The following DCAF6 variants were observed in gnomAD, a reference collection of about 807,000 sequenced individuals.
The protein encoded by DCAF6 is DDB1 and CUL4 associated factor 6.
In DCAF6, 54 loss-of-function variants were observed where a neutral mutation model predicts 125.1. The observed-to-expected ratio is 0.43, with a 90% CI of 0.35 to 0.54. The LOEUF is 0.54. Among genes scored for constraint, DCAF6 ranks in the 20% least tolerant of loss-of-function variants. The pLI is 0.01. For synonymous variants in DCAF6, 371 were observed against 390.4 expected (o/e 0.95, Z 0.58); for missense variants, 934 against 1,161.7 (o/e 0.80, Z 2.85).
At chr1:167,877,074 G>A in the DCAF6 span, among the ~76,000 whole-genome samples, 13 of 151,910 alleles carry the variant, frequency 8.6e-5, no homozygotes, top group Admixed American at 6.6e-4. Context: ...AAAAATAAAT[G>A]TTTATTTTTG....
At chr1:168,034,450 A>G (rs78404359) in intron 12 of DCAF6, among the ~76,000 whole-genome samples, 4,564 of 152,236 alleles carry the variant, frequency 0.03, 197 homozygotes, top group African/African-American at 0.1. Flanking sequence ...GTTTGAGACC[A>G]CAGTGAGCTA....
the DCAF6 span, among the ~76,000 whole-genome samples, chr1:167,913,764 G>A: frequency 1.2e-4 from 18 of 152,204 alleles, no homozygotes; most frequent in South Asian, 3.7e-3. Flanking sequence ...TAGAAAGACA[G>A]AGCATCCAGG....
At chr1:167,866,997 A>T in the DCAF6 span, among the ~76,000 whole-genome samples, 3 of 152,212 alleles carry the variant, frequency 2.0e-5, no homozygotes, top group African/African-American at 7.2e-5. Context: ...GGTGACTTTA[A>T]TCAGTACCAA....
At chr1:168,065,804 A>G in intron 19 of DCAF6, 58 bp downstream of exon 19, 1 of 1,472,590 alleles carries the variant, frequency 6.8e-7, no homozygotes, top group Non-Finnish European at 9.3e-7. Flanking sequence ...CATCAGTCAT[A>G]CAAAATTATT....
At chr1:167,888,658 C>T in the DCAF6 span, among the ~76,000 whole-genome samples, 1 of 151,904 alleles carries the variant, frequency 6.6e-6, no homozygotes, top group South Asian at 2.1e-4. Flanking sequence ...GGGCGGATCA[C>T]GAGGTCAGGA....
intron 4 of DCAF6, among the ~76,000 whole-genome samples, chr1:167,975,300 A>G (rs547705552): frequency 1.3e-5 from 2 of 152,306 alleles, no homozygotes; most frequent in South Asian, 4.1e-4. Flanking sequence ...TTTACCTTTA[A>G]AGATACCTCT....
intron 4 of DCAF6, among the ~76,000 whole-genome samples, chr1:167,986,123 A>C (rs1679971258): frequency 6.6e-6 from 1 of 152,138 alleles, no homozygotes; most frequent in Non-Finnish European, 1.5e-5. Flanking sequence ...TTATTGTTGG[A>C]TATTTGGGTT....
intron 17 of DCAF6, among the ~76,000 whole-genome samples, chr1:168,060,259 A>G (rs745917973): frequency 2.0e-5 from 3 of 152,130 alleles, no homozygotes; most frequent in Non-Finnish European, 4.4e-5. Flanking sequence ...AGCTCACTGC[A>G]TCCTGTAACT....
chr1:167,978,530 T>G (rs941287861), intron 4 of DCAF6, among the ~76,000 whole-genome samples: 19 of 152,242 alleles, frequency 1.2e-4, no homozygotes, highest in African/African-American at 4.3e-4. Context: ...GTCAAATCTC[T>G]TGCCTATTTT....
chr1:168,005,224 A>G (rs1683184237), intron 10 of DCAF6, among the ~76,000 whole-genome samples: 1 of 152,062 alleles, frequency 6.6e-6, no homozygotes, highest in African/African-American at 2.4e-5. Flanking sequence ...AGTACTTTTA[A>G]TATACTCTCT....
At chr1:168,024,113 AGGCTAAGGCAG>A (rs1686022014) in intron 12 of DCAF6, 1 of 151,536 alleles carries the variant, frequency 6.6e-6, no homozygotes, top group Non-Finnish European at 1.5e-5. Flanking sequence ...GCTAATAGGG[AGGCTAAGGCAG>A]GAGGATTGCT....
At chr1:168,037,660 C>A (rs547945454) in intron 12 of DCAF6, among the ~76,000 whole-genome samples, 2 of 152,108 alleles carry the variant, frequency 1.3e-5, no homozygotes, top group South Asian at 4.1e-4. Flanking sequence ...AGATTTCATA[C>A]ATTGAGATAG....
At chr1:168,067,359 G>T (rs943454396) in intron 20 of DCAF6, among the ~76,000 whole-genome samples, 3 of 152,178 alleles carry the variant, frequency 2.0e-5, no homozygotes, top group Admixed American at 6.5e-5. Flanking sequence ...CTGTAGTGGG[G>T]TCTGTGTCAG....
chr1:167,982,037 T>C (rs1679252988), intron 4 of DCAF6, among the ~76,000 whole-genome samples: 1 of 152,184 alleles, frequency 6.6e-6, no homozygotes, highest in African/African-American at 2.4e-5. Flanking sequence ...CAGCAACTTT[T>C]GTTTCTTGAC....
chr1:167,988,874 T>C (rs945155368), intron 5 of DCAF6, among the ~76,000 whole-genome samples: 3 of 151,588 alleles, frequency 2.0e-5, no homozygotes, highest in African/African-American at 7.3e-5. Context: ...AGGTCAGGAG[T>C]TGGAGACCAG....
At chr1:167,888,845 C>A in the DCAF6 span, among the ~76,000 whole-genome samples, 2 of 77,498 alleles carry the variant, frequency 2.6e-5, no homozygotes, top group African/African-American at 1.1e-4. Context: ...AACTGCAGTC[C>A]AGCCTGGGCG....
intron 5 of DCAF6, among the ~76,000 whole-genome samples, chr1:167,988,113 G>T (rs1680274571): frequency 6.6e-6 from 1 of 151,956 alleles, no homozygotes; most frequent in Non-Finnish European, 1.5e-5. Flanking sequence ...CTTTCCTAAA[G>T]ATAATATCTC....
chr1:167,976,885 A>AG (rs1678281531), intron 4 of DCAF6, among the ~76,000 whole-genome samples: 2 of 64,984 alleles, frequency 3.1e-5, no homozygotes, highest in Non-Finnish European at 6.1e-5. Context: ...ATCCTTTAGC[A>AG]GTTTTTTTTT....
chr1:168,002,618 A>G, intron 8 of DCAF6, 43 bp downstream of exon 8: 1 of 1,463,360 alleles, frequency 6.8e-7, no homozygotes, highest in South Asian at 1.2e-5. Flanking sequence ...ATGGTATTTT[A>G]AAATTAATAT....
Sources: gnomAD v4.1 joint callset for allele counts (sites outside exome capture counted in the v4.1 genomes callset) on GRCh38, gnomAD v4.1.1 for gene constraint, MANE v1.5 for transcripts, NCBI Gene and HGNC (gene_info 2026-07-23, HGNC 2026-07-21) for gene names.